The following PACRG variants were observed in gnomAD, a reference collection of about 807,000 sequenced individuals.
PACRG encodes parkin coregulated gene protein.
PACRG carries 29 observed loss-of-function variants against 29.7 expected under a neutral mutation model. The observed-to-expected ratio is 0.98, with a 90% CI of 0.73 to 1.33. The LOEUF (loss-of-function observed/expected upper bound fraction) is 1.33, where lower values mean the gene tolerates loss of function less well. PACRG is among the 40% of genes most tolerant of loss of function. PACRG has a pLI of 0.00. For synonymous variants in PACRG, 116 were observed against 118.7 expected (o/e 0.98, Z 0.15); for missense variants, 279 against 316.2 (o/e 0.88, Z 0.89).
At chr6:162,926,547 T>C (rs1191744016) in intron 2 of PACRG, among the ~76,000 whole-genome samples, 2 of 152,118 alleles carry the variant, frequency 1.3e-5, no homozygotes, top group Non-Finnish European at 2.9e-5. Flanking sequence ...AAACAAGCCA[T>C]GGGGAAAGGA....
intron 4 of PACRG, chr6:163,100,621 G>C (rs1414913412): frequency 6.9e-6 from 2 of 288,310 alleles, no homozygotes; most frequent in African/African-American, 4.6e-5. Context: ...CCCAGGTCGA[G>C]GGACCCTCGT....
chr6:163,268,058 A>G (rs1783595357), intron 4 of PACRG, among the ~76,000 whole-genome samples: 1 of 152,228 alleles, frequency 6.6e-6, no homozygotes, highest in Non-Finnish European at 1.5e-5. Context: ...ATTAATTTAA[A>G]TGAATAAAAT....
chr6:163,178,138 G>A (rs1410635344), intron 4 of PACRG, among the ~76,000 whole-genome samples: 3 of 152,180 alleles, frequency 2.0e-5, no homozygotes, highest in Non-Finnish European at 2.9e-5. Context: ...GGGCCTGTGA[G>A]AAGGAGGGCT....
chr6:163,234,636 C>T (rs1782165159), intron 4 of PACRG, among the ~76,000 whole-genome samples: 1 of 152,118 alleles, frequency 6.6e-6, no homozygotes, highest in Non-Finnish European at 1.5e-5. Context: ...CCAAAGGAGA[C>T]CAAGCAGATG....
At chr6:163,260,609 G>A (rs1188912857) in intron 4 of PACRG, among the ~76,000 whole-genome samples, 1 of 152,222 alleles carries the variant, frequency 6.6e-6, no homozygotes, top group Non-Finnish European at 1.5e-5. Context: ...TTCTGAGGCT[G>A]GGAGTGGGAT....
intron 2 of PACRG, among the ~76,000 whole-genome samples, chr6:162,826,419 T>G (rs1788280765): frequency 6.6e-6 from 1 of 152,142 alleles, no homozygotes; most frequent in African/African-American, 2.4e-5. Flanking sequence ...GTAGACATTT[T>G]GTTCCTATTT....
intron 3 of PACRG, among the ~76,000 whole-genome samples, chr6:163,070,714 T>C (rs1811960369): frequency 6.6e-6 from 1 of 151,490 alleles, no homozygotes. Context: ...AATAATAACA[T>C]TGAATGTAAA....
intron 4 of PACRG, among the ~76,000 whole-genome samples, chr6:163,246,206 C>T (rs1027710086): frequency 2.0e-5 from 3 of 152,210 alleles, no homozygotes; most frequent in Non-Finnish European, 4.4e-5. Flanking sequence ...AACATCACCT[C>T]ACCCTATGTA....
intron 4 of PACRG, among the ~76,000 whole-genome samples, chr6:163,246,849 C>T (rs966209140): frequency 6.6e-6 from 1 of 152,152 alleles, no homozygotes; most frequent in African/African-American, 2.4e-5. Flanking sequence ...GCAAGGTGGC[C>T]AGTTACAACA....
Position 163,158,639 on chromosome 6 carries a change from G to A in PACRG, c.613+69231G>A, listed in dbSNP as rs150294875. On this transcript the variant is annotated intron_variant, in intron 4 of 4. Transcript: ENST00000366888. Reference sequence around the variant, plus strand: ...TATTTTTAAATGAGAAGAGGTAATAGCAAAATATAACCCTGAGTTTCATTT... The same window carrying A: ...TATTTTTAAATGAGAAGAGGTAATAACAAAATATAACCCTGAGTTTCATTT... Among the ~76,000 whole-genome samples the A allele has an allele frequency of 1.2e-3, 182 of 152,256 alleles. 1 individual carries two copies. The highest frequency in any genetic ancestry group is 4.2e-3 in the African/African-American group (173 of 41,552).
At chr6:162,955,224 G>C (rs982250386) in intron 2 of PACRG, among the ~76,000 whole-genome samples, 8 of 152,198 alleles carry the variant, frequency 5.3e-5, no homozygotes, top group Non-Finnish European at 1.0e-4. Flanking sequence ...GGGTTCATAA[G>C]CAGGAGAGAG....
intron 2 of PACRG, among the ~76,000 whole-genome samples, chr6:162,854,311 A>G (rs985133494): frequency 6.9e-6 from 1 of 145,048 alleles, no homozygotes; most frequent in African/African-American, 2.7e-5. Flanking sequence ...GTGAAAGTCC[A>G]TGAGTAGCTA....
At chr6:163,075,337 T>A (rs948318154) in intron 3 of PACRG, among the ~76,000 whole-genome samples, 38 of 152,060 alleles carry the variant, frequency 2.5e-4, no homozygotes, top group Non-Finnish European at 1.6e-4. Flanking sequence ...AAGAAAAAAA[T>A]AATTGTCATT....
intron 2 of PACRG, among the ~76,000 whole-genome samples, chr6:162,975,073 T>G (rs1801837049): frequency 1.3e-5 from 2 of 152,198 alleles, no homozygotes; most frequent in African/African-American, 4.8e-5. Flanking sequence ...TTCAAGAGAA[T>G]CCCTGCAATA....
chr6:162,806,101 T>G (rs1280108936), intron 1 of PACRG, among the ~76,000 whole-genome samples: 1 of 151,904 alleles, frequency 6.6e-6, no homozygotes, highest in Non-Finnish European at 1.5e-5. Flanking sequence ...CAAAAATGTA[T>G]TTCTTTCTTT....
chr6:162,924,022 T>G lies in PACRG; in HGVS notation c.291+109741T>G, dbSNP rs117230600. Among the ~76,000 whole-genome samples the G allele has an allele frequency of 3.9e-4, 59 of 152,196 alleles. No individual in the cohort carries two copies. In the East Asian group the frequency reaches 0.01, roughly 26 times the overall value. ...TCATCCCATTCATAAGCATGAGATATCTTTTCTTTTTTTGGGGGAGTGGGG... is the reference window on the plus strand; with the variant it reads ...TCATCCCATTCATAAGCATGAGATAGCTTTTCTTTTTTTGGGGGAGTGGGG... On this transcript the variant is annotated intron_variant, in intron 2 of 4. Coordinates refer to ENST00000366888, the MANE Select transcript of PACRG (RefSeq NM_001080379.2).
rs11354740 is a variant in PACRG at position 163,069,285 on chromosome 6, C to CAA, written c.463+6981_463+6982dup. ...ACCATCCAGGAAAACATGAACTCAC[C>CAA]AAAAAAAAAAAAAAAAAAGTAAGTT... On this transcript the variant is annotated intron_variant, in intron 3 of 4. Transcript: ENST00000366888. Among the ~76,000 whole-genome samples, 75 of 94,380 alleles carry CAA rather than the reference C, an allele frequency of 7.9e-4. 2 individuals carry two copies. The East Asian group carries it at 0.018, about 23-fold the overall frequency. The allele number at this position is 94,380 out of a possible 152,430, so 61.9% of individuals were successfully genotyped here. A position where few individuals can be genotyped will look rare whatever the true frequency, so the allele number is the denominator to read the frequency against.
intron 4 of PACRG, among the ~76,000 whole-genome samples, chr6:163,282,460 C>G (rs1051321498): frequency 6.6e-6 from 1 of 152,154 alleles, no homozygotes; most frequent in Admixed American, 6.5e-5. Flanking sequence ...CCTGTAATCC[C>G]AGTACTTTGG....
At chr6:163,025,772 C>A (rs566891100) in intron 2 of PACRG, among the ~76,000 whole-genome samples, 1 of 152,342 alleles carries the variant, frequency 6.6e-6, no homozygotes, top group East Asian at 1.9e-4. Context: ...GCAGTTCTTT[C>A]CACGCAGCCT....
Sources: allele counts gnomAD v4.1 joint callset (sites outside exome capture counted in the v4.1 genomes callset), GRCh38; gene constraint gnomAD v4.1.1; transcripts MANE v1.5; gene names NCBI Gene and HGNC (gene_info 2026-07-23, HGNC 2026-07-21).